PHLPP1: variants seen among roughly 807,000 people sequenced by gnomAD.
PHLPP1 encodes PH domain leucine-rich repeat-containing protein phosphatase 1.
A neutral mutation model predicts 117.2 loss-of-function variants in PHLPP1; 42 were observed. The observed-to-expected ratio is 0.36, with a 90% CI of 0.28 to 0.46. PHLPP1 has a LOEUF of 0.46. PHLPP1 is among the 20% of genes least tolerant of loss of function. PHLPP1 has a pLI of 1.00. For synonymous variants in PHLPP1, 1,042 were observed against 970.7 expected, an observed-to-expected ratio of 1.07 and a Z score of -1.37; for missense variants, 2,084 against 2,241.9, an observed-to-expected ratio of 0.93 and a Z score of 1.42.
intron 1 of PHLPP1, among the ~76,000 whole-genome samples, chr18:62,746,265 G>A (rs1911670657): frequency 6.6e-6 from 1 of 152,014 alleles, no homozygotes; most frequent in South Asian, 2.1e-4. Context: ...GGCTGGTCTC[G>A]AACTCTTGAC....
At chr18:62,867,957 G>A (rs558051838) in intron 4 of PHLPP1, among the ~76,000 whole-genome samples, 3 of 151,832 alleles carry the variant, frequency 2.0e-5, no homozygotes, top group Non-Finnish European at 4.4e-5. Flanking sequence ...GATTACAGGC[G>A]CCCACCACCA....
In PHLPP1 at chr18:62,895,011, G is replaced by A. The variant is rs201803707; in HGVS notation, c.2067G>A (p.Arg689=). ...CTTTTGTTTTGCTTTATTGTAATAG[G>A]TTCACCAAGTTGAAGAGTCTTAACC... The part of the protein sequence containing the change: ...PAARGLNELQ[R]FTKLKSLNLS... Residue 689 remains arginine (R), a splice_region_variant and synonymous_variant, in exon 5 of 17, where the codon AGG becomes AGA. Coordinates refer to ENST00000262719, the MANE Select transcript of PHLPP1 (RefSeq NM_194449.4). The A allele has an allele frequency of 1.2e-4, 192 of 1,600,916 alleles. No homozygotes were observed. The African/African-American group carries it at 2.4e-3, about 20-fold the overall frequency.
At chr18:62,816,927 G>T (rs1312083841) in intron 1 of PHLPP1, among the ~76,000 whole-genome samples, 2 of 152,016 alleles carry the variant, frequency 1.3e-5, no homozygotes, top group Non-Finnish European at 2.9e-5. Flanking sequence ...GGTTGTCTTG[G>T]GAACTTTTAA....
At chr18:62,852,472 T>G (rs1396730983) in intron 3 of PHLPP1, among the ~76,000 whole-genome samples, 1 of 152,026 alleles carries the variant, frequency 6.6e-6, no homozygotes, top group South Asian at 2.1e-4. Flanking sequence ...GCCTCCCGAG[T>G]AGCTGGGACT....
At chr18:62,756,384 A>G (rs1297133114) in intron 1 of PHLPP1, among the ~76,000 whole-genome samples, 1 of 152,210 alleles carries the variant, frequency 6.6e-6, no homozygotes, top group East Asian at 1.9e-4. Context: ...AGGCCCACAC[A>G]TTTAGCATGC....
intron 1 of PHLPP1, among the ~76,000 whole-genome samples, chr18:62,731,916 A>C (rs895207239): frequency 7.2e-5 from 11 of 152,190 alleles, no homozygotes; most frequent in African/African-American, 2.7e-4. Context: ...TAATTTTTTG[A>C]AGGCTGAGAA....
chr18:62,782,116 A>G (rs999388762), intron 1 of PHLPP1, among the ~76,000 whole-genome samples: 7 of 152,202 alleles, frequency 4.6e-5, no homozygotes, highest in African/African-American at 1.7e-4. Context: ...CAGATGCCAA[A>G]GGGGTTTGTC....
In PHLPP1 at chr18:62,819,750, A is replaced by G. The variant is rs1914394344; in HGVS notation, c.1577-10285A>G. 3.9e-5 allele frequency among the ~76,000 whole-genome samples: 6 copies of G among 152,126 alleles called. 2 individuals carry two copies. The highest frequency in any genetic ancestry group is 3.9e-4 in the Admixed American group (6 of 15,276). ...AACCTCTGCCTCCTGGGTTCAAGCG[A>G]TTCTCCTGCCTCAGCCTCCCGAGTA... is the stretch of plus-strand genomic sequence containing the variant. On this transcript the variant is annotated intron_variant, in intron 1 of 16. Transcript: ENST00000262719.
intron 4 of PHLPP1, among the ~76,000 whole-genome samples, chr18:62,872,310 A>G (rs1458842824): frequency 6.6e-6 from 1 of 152,230 alleles, no homozygotes; most frequent in Non-Finnish European, 1.5e-5. Flanking sequence ...CTTAGCCTCC[A>G]TTCCGTCTCT....
rs1370291666 is a variant in PHLPP1 at position 62,829,238 on chromosome 18, A to ATGT, written c.1577-795_1577-793dup. Among the ~76,000 whole-genome samples the ATGT allele has an allele frequency of 3.3e-5, 5 of 152,330 alleles. No homozygotes were observed. In the South Asian group the frequency reaches 8.3e-4, roughly 25 times the overall value. ...TTTTAAGAAAAATATTTCTTTTCTA[A>ATGT]TGTTTCCTTTACAGTAAATATACAT... On this transcript the variant is annotated intron_variant, in intron 1 of 16. Transcript: ENST00000262719.
At chr18:62,947,615 A>T (rs1910337036) in intron 12 of PHLPP1, among the ~76,000 whole-genome samples, 1 of 152,182 alleles carries the variant, frequency 6.6e-6, no homozygotes, top group Non-Finnish European at 1.5e-5. Context: ...GAGTCTCAAG[A>T]TTAAACCTCC....
chr18:62,828,910 T>TA (rs1480536762), intron 1 of PHLPP1, among the ~76,000 whole-genome samples: 2 of 152,218 alleles, frequency 1.3e-5, no homozygotes, highest in Non-Finnish European at 2.9e-5. Context: ...ACTCTGAAAT[T>TA]ATCTGTTCAG....
chr18:62,802,798 G>C (rs1778842517), intron 1 of PHLPP1, among the ~76,000 whole-genome samples: 1 of 152,042 alleles, frequency 6.6e-6, no homozygotes, highest in South Asian at 2.1e-4. Flanking sequence ...TTGTCTTGAG[G>C]AGTATTAACA....
Position 62,914,992 on chromosome 18 carries a change from T to G in PHLPP1, c.2788T>G (p.Cys930Gly). Residue 930 changes from cysteine to glycine, a missense_variant, in exon 9 of 17, where the codon TGT becomes GGT. Physicochemically the swap from Cys to Gly is radical, Grantham distance 159. Coordinates refer to ENST00000262719, the MANE Select transcript of PHLPP1 (RefSeq NM_194449.4). ...TTTGGATATTGGCCATAATCAAATA[T>G]GTGAACTTCCTGCCCGGTGAGTATT... is the stretch of plus-strand genomic sequence containing the variant. The part of the protein sequence containing the change: ...EVLDIGHNQI[C>G]ELPARLFCNS... 1 of 1,612,676 alleles carries G rather than the reference T, an allele frequency of 6.2e-7. No homozygotes were observed. The highest frequency in any genetic ancestry group is 1.3e-5 in the African/African-American group (1 of 75,028).
intron 1 of PHLPP1, among the ~76,000 whole-genome samples, chr18:62,777,323 C>T (rs1474785390): frequency 6.6e-6 from 1 of 151,940 alleles, no homozygotes; most frequent in Non-Finnish European, 1.5e-5. Flanking sequence ...TTCCATGTGC[C>T]ATTCAGATAT....
At chr18:62,866,352 C>G (rs1156675366) in intron 4 of PHLPP1, among the ~76,000 whole-genome samples, 1 of 151,612 alleles carries the variant, frequency 6.6e-6, no homozygotes, top group African/African-American at 2.4e-5. Flanking sequence ...TCAAGCGATT[C>G]TCCTGCCTCA....
At chr18:62,965,600 C>G (rs750886880) in intron 14 of PHLPP1, among the ~76,000 whole-genome samples, 1 of 151,524 alleles carries the variant, frequency 6.6e-6, no homozygotes, top group Non-Finnish European at 1.5e-5. Context: ...GCTGGGATTA[C>G]AGCGCCCACC....
intron 2 of PHLPP1, among the ~76,000 whole-genome samples, chr18:62,834,109 G>A (rs1025576955): frequency 2.0e-5 from 3 of 152,088 alleles, no homozygotes; most frequent in Non-Finnish European, 2.9e-5. Flanking sequence ...GGGTTGGGGG[G>A]TGGGCGTTTC....
At chr18:62,893,165 C>T (rs1916469304) in intron 4 of PHLPP1, among the ~76,000 whole-genome samples, 1 of 151,912 alleles carries the variant, frequency 6.6e-6, no homozygotes, top group African/African-American at 2.4e-5. Flanking sequence ...CCTCAGCCTC[C>T]AGCATAGCTG....
Sources: gnomAD v4.1 joint callset for allele counts (sites outside exome capture counted in the v4.1 genomes callset) on GRCh38, gnomAD v4.1.1 for gene constraint, MANE v1.5 for transcripts, NCBI Gene and HGNC (gene_info 2026-07-23, HGNC 2026-07-21) for gene names.